LY75: variants seen among roughly 807,000 people sequenced by gnomAD.
The protein encoded by LY75 is lymphocyte antigen 75.
A neutral mutation model predicts 231.7 loss-of-function variants in LY75; 185 were observed. The observed-to-expected ratio is 0.80, with a 90% CI of 0.71 to 0.90. The LOEUF (loss-of-function observed/expected upper bound fraction) is 0.90, where lower values mean the gene tolerates loss of function less well. Ranked by LOEUF, LY75 falls within the 40% of genes least tolerant of loss-of-function variation. LY75 has a pLI of 0.00. For synonymous variants in LY75, 668 were observed against 689.0 expected, an observed-to-expected ratio of 0.97 and a Z score of 0.48; for missense variants, 1,947 against 2,050.2, an observed-to-expected ratio of 0.95 and a Z score of 0.97.
chr2:159,834,150 A>C lies in LY75; in HGVS notation c.3735T>G (p.Asn1245Lys). The C allele has an allele frequency of 6.2e-7, 1 of 1,614,088 alleles. No individual in the cohort carries two copies. Among genetic ancestry groups the C allele is most frequent in the Non-Finnish European group, 8.5e-7 (1 of 1,179,962 alleles). Residue 1245 changes from asparagine (N) to lysine (K), a missense_variant, in exon 27 of 35, where the codon AAT becomes AAG. Asn to Lys is a moderately conservative substitution (Grantham distance 94). Transcript: ENST00000263636. ...AGTTCTGAAATGGTATCCACGGAGT[A>C]TTTAGAACAGGAGATGGACATTTAA... ...DSVKCPSPVLNTPWIPFQNCC... is the reference protein window; with the variant it reads ...DSVKCPSPVLKTPWIPFQNCC...
At chr2:159,872,347 T>C in intron 13 of LY75, 104 bp downstream of exon 13, 5 of 1,437,800 alleles carry the variant, frequency 3.5e-6, no homozygotes, top group Non-Finnish European at 4.7e-6. Context: ...TAATAAAACA[T>C]GTCCATTTTT....
chr2:159,825,125 G>A (rs1003487964), intron 28 of LY75, among the ~76,000 whole-genome samples: 4 of 152,022 alleles, frequency 2.6e-5, no homozygotes, highest in Admixed American at 2.0e-4. Flanking sequence ...AACTGAAGGC[G>A]ATAGAGACAA....
chr2:159,855,544 C>T (rs899093097), intron 16 of LY75, among the ~76,000 whole-genome samples: 9 of 152,148 alleles, frequency 5.9e-5, no homozygotes, highest in Non-Finnish European at 1.2e-4. Context: ...TGGCATGCTA[C>T]ACAGAATTCC....
intron 13 of LY75, among the ~76,000 whole-genome samples, chr2:159,870,041 T>C (rs971862459): frequency 1.3e-5 from 2 of 152,194 alleles, no homozygotes; most frequent in African/African-American, 4.8e-5. Flanking sequence ...GATTCTACGA[T>C]AGATGCTTAA....
intron 21 of LY75, 114 bp downstream of exon 21, chr2:159,852,087 A>G: frequency 7.1e-7 from 1 of 1,414,912 alleles, no homozygotes; most frequent in Admixed American, 2.5e-5. Context: ...GGATCCTGAA[A>G]CATGCAGAGT....
chr2:159,835,464 T>A lies in LY75; in HGVS notation c.3673+16A>T. 6.4e-7 allele frequency: 1 copy of A among 1,573,510 alleles called. No homozygotes were observed. Among genetic ancestry groups the A allele is most frequent in the Non-Finnish European group, 8.6e-7 (1 of 1,164,242 alleles). ...TGTTAATAATTTAAGAATTAAAAGA[T>A]CTGAAATTCACATACTTCCTGAATA... On this transcript the variant is annotated intron_variant, in intron 26 of 34. Coordinates refer to ENST00000263636, the MANE Select transcript of LY75 (RefSeq NM_002349.4).
At chr2:159,858,545 G>A in intron 15 of LY75, 69 bp from the exon 16 acceptor site, 1 of 1,485,850 alleles carries the variant, frequency 6.7e-7, no homozygotes, top group Non-Finnish European at 8.9e-7. Context: ...TAAACTGTAA[G>A]CCCTATGACT....
chr2:159,849,904 G>A, intron 23 of LY75, 76 bp downstream of exon 23: 1 of 1,534,716 alleles, frequency 6.5e-7, no homozygotes, highest in Non-Finnish European at 8.7e-7. Context: ...GTGGGGTTTT[G>A]CTTAGTCCAA....
chr2:159,822,406 G>A (rs1683326159), intron 28 of LY75, among the ~76,000 whole-genome samples: 1 of 152,232 alleles, frequency 6.6e-6, no homozygotes, highest in Non-Finnish European at 1.5e-5. Context: ...CGCTCCCAGT[G>A]TAAACAAAGC....
chr2:159,814,074 G>C (rs1683044965), intron 31 of LY75: 1 of 152,074 alleles, frequency 6.6e-6, no homozygotes, highest in Non-Finnish European at 1.5e-5. Context: ...TGTTGAATCT[G>C]CCGTTCAAGA....
intron 7 of LY75, 136 bp from the exon 8 acceptor site, chr2:159,881,376 T>C: frequency 4.7e-6 from 5 of 1,068,254 alleles, no homozygotes; most frequent in Non-Finnish European, 6.4e-6. Context: ...TATTAATATG[T>C]TGATACGACA....
intron 14 of LY75, among the ~76,000 whole-genome samples, chr2:159,863,059 CA>C (rs1684761594): frequency 6.7e-6 from 1 of 150,156 alleles, no homozygotes; most frequent in African/African-American, 2.5e-5. Flanking sequence ...TATCACGTGG[CA>C]TTTGTCTTTC....
intron 14 of LY75, 47 bp from the exon 15 acceptor site, chr2:159,860,936 A>G (rs1684683585): frequency 6.2e-7 from 1 of 1,609,434 alleles, no homozygotes; most frequent in African/African-American, 1.3e-5. Context: ...ATGTATAAAT[A>G]TTTGCAATTT....
At chr2:159,877,028 A>AAAAAAAG (rs1553810527) in intron 11 of LY75, among the ~76,000 whole-genome samples, 5,002 of 115,194 alleles carry the variant, frequency 0.043, 108 homozygotes, top group South Asian at 0.11. Flanking sequence ...AAAAAAAAAA[A>AAAAAAAG]AAAAAAGAAA....
chr2:159,850,325 A>G (rs1684344536), intron 22 of LY75, 37 bp downstream of exon 22: 5 of 1,610,348 alleles, frequency 3.1e-6, no homozygotes, highest in Non-Finnish European at 4.2e-6. Flanking sequence ...CTGGCCCCAG[A>G]TCAGAATAAA....
chr2:159,807,212 A>G, intron 33 of LY75, 72 bp from the exon 34 acceptor site: 1 of 1,496,658 alleles, frequency 6.7e-7, no homozygotes, highest in South Asian at 1.3e-5. Flanking sequence ...GGGTTCATGT[A>G]ACTCATCAGA....
At chr2:159,812,124 T>C (rs1682978463) in intron 31 of LY75, 1 of 152,162 alleles carries the variant, frequency 6.6e-6, no homozygotes, top group African/African-American at 2.4e-5. Context: ...CTTTTCTGAA[T>C]GGTTTGACCT....
At position 159,819,821 on chromosome 2, in the gene LY75, C is replaced by T. The variant is rs755878356; in HGVS notation, c.4058G>A (p.Ser1353Asn). Residue 1353 changes from serine to asparagine, a missense_variant, in exon 29 of 35, where the codon AGT (serine) becomes AAT (asparagine). Physicochemically the swap from Ser to Asn is conservative, Grantham distance 46. Coordinates refer to ENST00000263636, the MANE Select transcript of LY75 (RefSeq NM_002349.4). ...IKNEKFLAGL[S>N]TDGFWDIQTF... Reference sequence around the variant, plus strand: ...TTGAATATCCCAGAAGCCGTCAGTACTTAAACCAGCCAAAAACTTCTCATT... The same window carrying T: ...TTGAATATCCCAGAAGCCGTCAGTATTTAAACCAGCCAAAAACTTCTCATT... The T allele has an allele frequency of 1.2e-6, 2 of 1,614,008 alleles. No homozygotes were observed. The highest frequency in any genetic ancestry group is 1.1e-5 in the South Asian group (1 of 91,088).
At chr2:159,812,327 G>C (rs1042185458) in intron 31 of LY75, 1 of 144,556 alleles carries the variant, frequency 6.9e-6, no homozygotes, top group Non-Finnish European at 1.5e-5. Flanking sequence ...CGTGGTAAGT[G>C]TGTTACATTC....
Sources: gnomAD v4.1 joint callset for allele counts (sites outside exome capture counted in the v4.1 genomes callset) on GRCh38, gnomAD v4.1.1 for gene constraint, MANE v1.5 for transcripts, NCBI Gene and HGNC (gene_info 2026-07-23, HGNC 2026-07-21) for gene names.